Variants in TRIM68 observed in about 807,000 individuals in gnomAD.
TRIM68 encodes tripartite motif containing 68.
In TRIM68, 36 loss-of-function variants were observed where a neutral mutation model predicts 41.9. The ratio of observed to expected loss-of-function variants is 0.86; its 90% confidence interval spans 0.66 to 1.14. The LOEUF (loss-of-function observed/expected upper bound fraction) is 1.14, where lower values mean the gene tolerates loss of function less well. Ranked by LOEUF, TRIM68 falls within the 50% of genes most tolerant of loss-of-function variation. The pLI, the probability that TRIM68 is intolerant of heterozygous loss-of-function variation, is 0.00. For missense variants in TRIM68, 632 were observed against 605.1 expected (o/e 1.04, Z -0.47); for synonymous variants, 225 against 224.6 (o/e 1.00, Z -0.02).
At position 4,601,651 on chromosome 11, in the gene TRIM68, G is replaced by A; in HGVS notation, c.806+13C>T. 6.2e-7 allele frequency: 1 copy of A among 1,614,002 alleles called. No individual in the cohort carries two copies. The highest frequency in any genetic ancestry group is 1.1e-5 in the South Asian group (1 of 91,070). ...TACAGGGCTGCTTAGAGGCTCCAAG[G>A]GTGAGAACATACCTGTTTAACACTT... On this transcript the variant is annotated intron_variant, in intron 5 of 6. Coordinates refer to ENST00000300747, the MANE Select transcript of TRIM68 (RefSeq NM_018073.8).
chr11:4,600,117 G>C lies in TRIM68; in HGVS notation c.*159C>G. 1.4e-6 allele frequency: 1 copy of C among 708,730 alleles called. No individual in the cohort carries two copies. Among genetic ancestry groups the C allele is most frequent in the Non-Finnish European group, 2.2e-6 (1 of 447,814 alleles). 43.9% of individuals were successfully genotyped at this position (708,730 alleles called of 1,614,324 possible). On this transcript the variant is annotated 3_prime_UTR_variant, in exon 7 of 7. Coordinates refer to ENST00000300747, the MANE Select transcript of TRIM68 (RefSeq NM_018073.8). Reference sequence around the variant, plus strand: ...TTTTAAAATAAGTGGTTTCATGACAGACTTCAGCCTGGTAGCAAAGACCAA... The same window carrying C: ...TTTTAAAATAAGTGGTTTCATGACACACTTCAGCCTGGTAGCAAAGACCAA...
rs1846497713 is a variant in TRIM68 at position 4,602,044 on chromosome 11, C to G, written c.783+108G>C. On this transcript the variant is annotated intron_variant, in intron 4 of 6. Transcript: ENST00000300747. ...GGGGAAACACAGGATCCATGACCAGCTGGCAGAGGGCTGGCAGTCCCTACT... is the reference window on the plus strand; with the variant it reads ...GGGGAAACACAGGATCCATGACCAGGTGGCAGAGGGCTGGCAGTCCCTACT... The G allele has an allele frequency of 9.3e-6, 14 of 1,498,006 alleles. No individual in the cohort carries two copies. In the South Asian group the frequency reaches 1.6e-4, roughly 17 times the overall value. The allele number at this position is 1,498,006 out of a possible 1,614,324, so 92.8% of individuals were successfully genotyped here. A position where few individuals can be genotyped will look rare whatever the true frequency, so the allele number is the denominator to read the frequency against.
chr11:4,603,925 A>AAT (rs1846531292), intron 2 of TRIM68, among the ~76,000 whole-genome samples: 1 of 152,234 alleles, frequency 6.6e-6, no homozygotes, highest in Admixed American at 6.5e-5. Flanking sequence ...ACAAAATAGC[A>AAT]ACTATTTTGT....
chr11:4,602,868 G>A (rs1425951101), intron 3 of TRIM68, among the ~76,000 whole-genome samples: 2 of 152,196 alleles, frequency 1.3e-5, no homozygotes, highest in African/African-American at 4.8e-5. Flanking sequence ...TATTTCAGAG[G>A]TGATTTTACA....
In TRIM68 at chr11:4,605,512, T is replaced by A; in HGVS notation, c.-8A>T. ...CAAGGCTGTGGGATCCATGGTTCCTTCTCACACCCTCCTCAGAACATGAAT... is the reference window on the plus strand; with the variant it reads ...CAAGGCTGTGGGATCCATGGTTCCTACTCACACCCTCCTCAGAACATGAAT... On this transcript the variant is annotated 5_prime_UTR_variant, in exon 2 of 7. Transcript: ENST00000300747. The A allele has an allele frequency of 6.3e-7, 1 of 1,596,632 alleles. No individual in the cohort carries two copies. The highest frequency in any genetic ancestry group is 8.6e-7 in the Non-Finnish European group (1 of 1,168,644).
Position 4,602,276 on chromosome 11 carries a change from G to A in TRIM68, c.659C>T (p.Ala220Val). ...AAALASLQRE[A>V]AETMQKLELN... ...CTCCAGTTTCTGCATGGTCTCCGCT[G>A]CCTCCCGCTGTAGGCTGGCCAGAGC... is the stretch of plus-strand genomic sequence containing the variant. The change falls in exon 4 of 7, where the codon GCA (alanine) becomes GTA (valine). Residue 220 changes from alanine to valine, a missense_variant. Coordinates refer to ENST00000300747, the MANE Select transcript of TRIM68 (RefSeq NM_018073.8). 1 of 1,614,188 alleles carries A rather than the reference G, an allele frequency of 6.2e-7. No individual in the cohort carries two copies. The highest frequency in any genetic ancestry group is 8.5e-7 in the Non-Finnish European group (1 of 1,180,034).
rs1477306653 is a variant in TRIM68 at position 4,602,288 on chromosome 11, A to G, written c.647T>C (p.Leu216Pro). 1.2e-6 allele frequency: 2 copies of G among 1,614,056 alleles called. No individual in the cohort carries two copies. Among genetic ancestry groups the G allele is most frequent in the Non-Finnish European group, 8.5e-7 (1 of 1,180,046 alleles). The change falls in exon 4 of 7, where the codon CTA (leucine) becomes CCA (proline). Residue 216 changes from leucine (L) to proline (P), a missense_variant. Transcript: ENST00000300747. ...CATGGTCTCCGCTGCCTCCCGCTGT[A>G]GGCTGGCCAGAGCTGCTGCTACCTC... Reference protein sequence around the residue: ...GAEVAAALASLQREAAETMQK... With the variant: ...GAEVAAALASPQREAAETMQK...
rs928506128 is a variant in TRIM68 at position 4,601,329 on chromosome 11, G to A, written c.807-202C>T. On this transcript the variant is annotated intron_variant, in intron 5 of 6. Coordinates refer to ENST00000300747, the MANE Select transcript of TRIM68 (RefSeq NM_018073.8). ...CCTGCATGCCCATGCTATGGGAAGG[G>A]TTGGATGTATATTTGATTCTGGGAG... The A allele has an allele frequency of 9.9e-6, 6 of 603,888 alleles. No individual in the cohort carries two copies. In the African/African-American group the frequency reaches 1.1e-4, roughly 11 times the overall value. 37.4% of individuals were successfully genotyped at this position (603,888 alleles called of 1,614,324 possible). A position where few individuals can be genotyped will look rare whatever the true frequency, so the allele number is the denominator to read the frequency against.
At chr11:4,606,243 T>C (rs1468872610) in intron 1 of TRIM68, among the ~76,000 whole-genome samples, 1 of 152,190 alleles carries the variant, frequency 6.6e-6, no homozygotes, top group Non-Finnish European at 1.5e-5. Context: ...CCTTGGAGAT[T>C]AAAACAAAGA....
At chr11:4,607,870 G>T (rs1000908663) in intron 1 of TRIM68, among the ~76,000 whole-genome samples, 157 bp downstream of exon 1, 5 of 152,222 alleles carry the variant, frequency 3.3e-5, no homozygotes, top group Admixed American at 3.3e-4. Context: ...GGACCCCAGC[G>T]GGAAGGGAGT....
chr11:4,603,863 T>G (rs1004484978), intron 2 of TRIM68, among the ~76,000 whole-genome samples: 11 of 152,220 alleles, frequency 7.2e-5, no homozygotes, highest in African/African-American at 2.7e-4. Context: ...GCAAGGGATT[T>G]CTACTGAAAA....
chr11:4,604,083 G>A (rs1453059150), intron 2 of TRIM68, among the ~76,000 whole-genome samples: 1 of 152,158 alleles, frequency 6.6e-6, no homozygotes, highest in Non-Finnish European at 1.5e-5. Context: ...GGTAATAAAT[G>A]GTTGGGCTGG....
intron 1 of TRIM68, among the ~76,000 whole-genome samples, chr11:4,607,496 G>A (rs988906465): frequency 6.6e-6 from 1 of 152,188 alleles, no homozygotes; most frequent in Non-Finnish European, 1.5e-5. Flanking sequence ...GCTACAAATG[G>A]AAGACCTAAA....
Position 4,602,235 on chromosome 11 carries a change from G to C in TRIM68, c.700C>G (p.Leu234Val). 6.8e-6 allele frequency: 11 copies of C among 1,614,136 alleles called. No homozygotes were observed. Among genetic ancestry groups the C allele is most frequent in the Non-Finnish European group, 8.5e-6 (10 of 1,180,020 alleles). Residue 234 changes from leucine (L) to valine (V), a missense_variant, in exon 4 of 7, where the codon CTC becomes GTC. Leu to Val is a conservative substitution (Grantham distance 32, BLOSUM62 1). Coordinates refer to ENST00000300747, the MANE Select transcript of TRIM68 (RefSeq NM_018073.8). The part of the protein sequence containing the change: ...MQKLELNHSE[L>V]IQQSQVLWRM... ...CACAGGACCTGGCTCTGCTGGATGAGCTCGCTATGGTTCAACTCCAGTTTC... is the reference window on the plus strand; with the variant it reads ...CACAGGACCTGGCTCTGCTGGATGACCTCGCTATGGTTCAACTCCAGTTTC...
At chr11:4,600,863 G>T (rs1191211096) in intron 6 of TRIM68, 37 bp from the exon 7 acceptor site, 1 of 1,593,910 alleles carries the variant, frequency 6.3e-7, no homozygotes, top group South Asian at 1.1e-5. Context: ...CAGTGATATA[G>T]GGCCAGGGGA....
intron 4 of TRIM68, chr11:4,601,887 A>G (rs1846494892): frequency 1.3e-6 from 1 of 768,892 alleles, no homozygotes; most frequent in South Asian, 1.8e-5. Context: ...TTCAGGCTCC[A>G]TCTCAAGACT....
In TRIM68 at chr11:4,606,371, G is replaced by A. The variant is rs28363701; in HGVS notation, c.-57-810C>T. On this transcript the variant is annotated intron_variant, in intron 1 of 6. Coordinates refer to ENST00000300747, the MANE Select transcript of TRIM68 (RefSeq NM_018073.8). ...TGGTCAATGGCAGGCTCTTGGCTCAGTTGGCAATATTTATTCATTCACTTT... is the reference window on the plus strand; with the variant it reads ...TGGTCAATGGCAGGCTCTTGGCTCAATTGGCAATATTTATTCATTCACTTT... Among the ~76,000 whole-genome samples, 684 of 152,332 alleles carry A rather than the reference G, an allele frequency of 4.5e-3. 5 individuals are homozygous for A. Among genetic ancestry groups the A allele is most frequent in the African/African-American group, 0.015 (641 of 41,570 alleles).
chr11:4,605,564 G>A lies in TRIM68; in HGVS notation c.-57-3C>T. The A allele has an allele frequency of 6.8e-7, 1 of 1,461,974 alleles. No individual in the cohort carries two copies. The allele number at this position is 1,461,974 out of a possible 1,614,324, so 90.6% of individuals were successfully genotyped here. On this transcript the variant is annotated splice_region_variant and splice_polypyrimidine_tract_variant and intron_variant, in intron 1 of 6. Coordinates refer to ENST00000300747, the MANE Select transcript of TRIM68 (RefSeq NM_018073.8). ...AAACCAGGGAGAAGTAGTAAAGGCT[G>A]AGAAGAAGAAAAGAAAGACAAATAA...
At chr11:4,600,874 C>T in intron 6 of TRIM68, 48 bp from the exon 7 acceptor site, 1 of 1,587,016 alleles carries the variant, frequency 6.3e-7, no homozygotes, top group Non-Finnish European at 8.6e-7. Context: ...GGCCAGGGGA[C>T]ATGGGTGAGA....
Sources: gnomAD v4.1 joint callset for allele counts (sites outside exome capture counted in the v4.1 genomes callset) on GRCh38, gnomAD v4.1.1 for gene constraint, MANE v1.5 for transcripts, NCBI Gene and HGNC (gene_info 2026-07-23, HGNC 2026-07-21) for gene names.